The following PPP3CA variants were observed in gnomAD, a reference collection of about 807,000 sequenced individuals.
PPP3CA encodes protein phosphatase 3 catalytic subunit alpha.
A neutral mutation model predicts 66.5 loss-of-function variants in PPP3CA; 14 were observed. The ratio of observed to expected loss-of-function variants is 0.21; its 90% confidence interval spans 0.14 to 0.33. The LOEUF is 0.33. Ranked by LOEUF, PPP3CA falls within the 10% of genes least tolerant of loss-of-function variation. PPP3CA has a pLI of 1.00. For missense variants in PPP3CA, 317 were observed against 639.5 expected, an observed-to-expected ratio of 0.50 and a Z score of 5.44; for synonymous variants, 232 against 226.2, an observed-to-expected ratio of 1.03 and a Z score of -0.23.
intron 3 of PPP3CA, among the ~76,000 whole-genome samples, chr4:101,105,434 A>T (rs115622585): frequency 0.057 from 8,691 of 151,720 alleles, 824 homozygotes; most frequent in African/African-American, 0.19. Context: ...CAAAGTGCTG[A>T]GATTACAGGT....
intron 11 of PPP3CA, 124 bp from the exon 12 acceptor site, chr4:101,032,488 CT>C (rs889878894): frequency 7.5e-5 from 56 of 749,048 alleles, no homozygotes; most frequent in Non-Finnish European, 9.2e-5. Context: ...CTCTCCGGAT[CT>C]TTTTTTAAAA....
chr4:101,329,222 C>G (rs1420994655), intron 1 of PPP3CA, among the ~76,000 whole-genome samples: 1 of 152,040 alleles, frequency 6.6e-6, no homozygotes, highest in East Asian at 1.9e-4. Flanking sequence ...GAGCCTAATG[C>G]CAATATAAGA....
chr4:101,105,762 C>G (rs898333894), intron 3 of PPP3CA, among the ~76,000 whole-genome samples: 2 of 151,934 alleles, frequency 1.3e-5, no homozygotes, highest in Non-Finnish European at 2.9e-5. Flanking sequence ...CTTTGATTAC[C>G]TTTAGAAAGA....
chr4:101,130,837 T>C (rs566379777), intron 2 of PPP3CA, among the ~76,000 whole-genome samples: 2 of 152,298 alleles, frequency 1.3e-5, no homozygotes, highest in South Asian at 2.1e-4. Context: ...CATCAACTAA[T>C]GGGCAAAACA....
intron 1 of PPP3CA, among the ~76,000 whole-genome samples, chr4:101,332,437 T>C (rs924932986): frequency 2.0e-5 from 3 of 152,110 alleles, no homozygotes; most frequent in East Asian, 1.9e-4. Flanking sequence ...AAAAACAAGG[T>C]GACACCTGTC....
chr4:101,313,480 C>T (rs1338121288), intron 1 of PPP3CA, among the ~76,000 whole-genome samples: 1 of 152,140 alleles, frequency 6.6e-6, no homozygotes, highest in Non-Finnish European at 1.5e-5. Flanking sequence ...TATAGCTGAC[C>T]TCTGCAAACA....
chr4:101,126,467 A>C (rs1251636690), intron 2 of PPP3CA, among the ~76,000 whole-genome samples: 2 of 152,212 alleles, frequency 1.3e-5, no homozygotes, highest in Admixed American at 1.3e-4. Flanking sequence ...ATACTTTTTT[A>C]CTAAGATACA....
chr4:101,314,049 A>G lies in PPP3CA; in HGVS notation c.58+32690T>C, dbSNP rs565035048. Among the ~76,000 whole-genome samples the G allele has an allele frequency of 3.3e-5, 5 of 152,316 alleles. No homozygotes were observed. The South Asian group carries it at 6.2e-4, about 19-fold the overall frequency. ...AGAGTCTGTCAAATAATTTTAAAAG[A>G]AAATAGAACGCATTTGCAACTTTCA... On this transcript the variant is annotated intron_variant, in intron 1 of 13. Coordinates refer to ENST00000394854, the MANE Select transcript of PPP3CA (RefSeq NM_000944.5).
intron 2 of PPP3CA, among the ~76,000 whole-genome samples, chr4:101,135,205 A>T (rs1227442771): frequency 6.6e-6 from 1 of 151,300 alleles, no homozygotes; most frequent in Non-Finnish European, 1.5e-5. Flanking sequence ...GTATCACAGA[A>T]CTTAAAGTAT....
At chr4:101,275,743 C>T (rs28638776) in intron 1 of PPP3CA, among the ~76,000 whole-genome samples, 98,976 of 151,824 alleles carry the variant, frequency 0.65, 33,337 homozygotes, top group Non-Finnish European at 0.75. Context: ...CTCTATTTAA[C>T]TGCTTTTCAA....
intron 1 of PPP3CA, among the ~76,000 whole-genome samples, chr4:101,324,589 C>A (rs946834779): frequency 6.6e-6 from 1 of 151,952 alleles, no homozygotes; most frequent in Non-Finnish European, 1.5e-5. Flanking sequence ...TGTAATGATG[C>A]GAATTTATTT....
chr4:101,247,166 T>C (rs982707494), intron 1 of PPP3CA, among the ~76,000 whole-genome samples: 1 of 151,874 alleles, frequency 6.6e-6, no homozygotes, highest in Admixed American at 6.6e-5. Flanking sequence ...TCCTTTTCGT[T>C]TTTTCTTTTT....
At chr4:101,030,204 CTG>C (rs962285714) in intron 12 of PPP3CA, among the ~76,000 whole-genome samples, 2 of 152,116 alleles carry the variant, frequency 1.3e-5, no homozygotes, top group Admixed American at 6.6e-5. Flanking sequence ...CAAAACTTCT[CTG>C]TAACTCCAAA....
chr4:101,079,866 T>C (rs1471337047), intron 8 of PPP3CA, among the ~76,000 whole-genome samples: 4 of 152,194 alleles, frequency 2.6e-5, no homozygotes, highest in African/African-American at 7.2e-5. Flanking sequence ...CTTTCAGGCA[T>C]GGAGTTTCAG....
chr4:101,305,581 T>C (rs2110304006), intron 1 of PPP3CA, among the ~76,000 whole-genome samples: 1 of 152,354 alleles, frequency 6.6e-6, no homozygotes, highest in African/African-American at 2.4e-5. Flanking sequence ...AAGCCTAGAA[T>C]ATATTTCTTT....
chr4:101,241,218 G>C (rs942037751), intron 1 of PPP3CA, among the ~76,000 whole-genome samples: 28 of 152,022 alleles, frequency 1.8e-4, no homozygotes, highest in Admixed American at 1.7e-3. Context: ...AGTGACCTAG[G>C]CTTTCATTCT....
intron 1 of PPP3CA, among the ~76,000 whole-genome samples, chr4:101,332,391 G>C (rs775814211): frequency 6.6e-4 from 100 of 152,282 alleles, no homozygotes; most frequent in Non-Finnish European, 1.2e-3. Flanking sequence ...CAAAAAAGAA[G>C]AAATTCATGA....
chr4:101,332,802 GAC>G (rs1729431115), intron 1 of PPP3CA, among the ~76,000 whole-genome samples: 1 of 152,126 alleles, frequency 6.6e-6, no homozygotes, highest in Non-Finnish European at 1.5e-5. Flanking sequence ...CTTGCCCATG[GAC>G]ACACAGTTGG....
intron 1 of PPP3CA, among the ~76,000 whole-genome samples, chr4:101,268,735 A>AT (rs1727243870): frequency 6.6e-6 from 1 of 152,154 alleles, no homozygotes; most frequent in Non-Finnish European, 1.5e-5. Context: ...TCATATATAC[A>AT]AGTAACATAT....
Sources: allele counts gnomAD v4.1 joint callset (sites outside exome capture counted in the v4.1 genomes callset), GRCh38; gene constraint gnomAD v4.1.1; transcripts MANE v1.5; gene names NCBI Gene and HGNC (gene_info 2026-07-23, HGNC 2026-07-21).